The following TENM2 variants were observed in gnomAD, a reference collection of about 807,000 sequenced individuals.
The protein encoded by TENM2 is teneurin transmembrane protein 2.
In TENM2, 52 loss-of-function variants were observed where a neutral mutation model predicts 245.2. The ratio of observed to expected loss-of-function variants is 0.21; its 90% CI spans 0.17 to 0.27. TENM2 has a LOEUF of 0.27. TENM2 is among the 10% of genes least tolerant of loss of function. The probability of loss-of-function intolerance (pLI) is 1.00; values close to 1 mark genes in which losing one functional copy is unlikely to be tolerated. For synonymous variants in TENM2, 1,363 were observed against 1,438.9 expected (o/e 0.95, Z 1.19); for missense variants, 3,046 against 3,666.8 (o/e 0.83, Z 4.37).
intron 2 of TENM2, among the ~76,000 whole-genome samples, chr5:167,844,868 C>T (rs1184661528): frequency 4.1e-5 from 6 of 147,028 alleles, no homozygotes; most frequent in South Asian, 2.1e-4. Flanking sequence ...AAAAATCCTT[C>T]GTAGACTTTT....
the TENM2 span, among the ~76,000 whole-genome samples, chr5:167,127,872 G>A: frequency 6.6e-6 from 1 of 151,970 alleles, no homozygotes; most frequent in Non-Finnish European, 1.5e-5. Flanking sequence ...GCTGTCCAGG[G>A]GATCCTTCTA....
chr5:167,865,367 G>A (rs1223860827), intron 2 of TENM2, among the ~76,000 whole-genome samples: 2 of 152,052 alleles, frequency 1.3e-5, no homozygotes, highest in African/African-American at 4.8e-5. Context: ...TCGACCTCCT[G>A]GGCTCAAGCA....
chr5:167,466,223 T>C (rs1020958942), intron 2 of TENM2, among the ~76,000 whole-genome samples: 16 of 152,204 alleles, frequency 1.1e-4, no homozygotes, highest in African/African-American at 3.6e-4. Flanking sequence ...TGTCCAGAGA[T>C]AGCTGAATTC....
the TENM2 span, among the ~76,000 whole-genome samples, chr5:167,077,955 G>A: frequency 6.6e-6 from 1 of 151,806 alleles, no homozygotes; most frequent in Non-Finnish European, 1.5e-5. Context: ...AGGAGTTTGG[G>A]CAAAATCAAG....
intron 25 of TENM2, among the ~76,000 whole-genome samples, chr5:168,238,310 A>G (rs1765796226): frequency 6.6e-6 from 1 of 152,148 alleles, no homozygotes; most frequent in Admixed American, 6.6e-5. Context: ...AAAAAATCCC[A>G]GAAGACTGAC....
At chr5:167,539,407 C>CT (rs35385564) in intron 2 of TENM2, among the ~76,000 whole-genome samples, 5 of 151,910 alleles carry the variant, frequency 3.3e-5, no homozygotes, top group African/African-American at 4.8e-5. Context: ...ATTCAAATGT[C>CT]TTTTTTTTAA....
intron 6 of TENM2, among the ~76,000 whole-genome samples, chr5:168,054,812 T>C (rs561058239): frequency 5.3e-5 from 8 of 152,362 alleles, no homozygotes; most frequent in Non-Finnish European, 1.0e-4. Context: ...CGTGGAGTTA[T>C]AGAGTTGGAC....
At chr5:167,356,187 C>CAAAAAA (rs58804392) in intron 1 of TENM2, among the ~76,000 whole-genome samples, 9 of 74,014 alleles carry the variant, frequency 1.2e-4, no homozygotes, top group East Asian at 3.8e-4. Context: ...GACTCCATCT[C>CAAAAAA]AAAAAAAAAA....
chr5:168,051,182 A>G (rs1484782084), intron 6 of TENM2, among the ~76,000 whole-genome samples: 1 of 152,208 alleles, frequency 6.6e-6, no homozygotes, highest in African/African-American at 2.4e-5. Flanking sequence ...TTTAAGAAAG[A>G]ATAAACTATC....
At chr5:167,795,269 G>T (rs1183111349) in intron 2 of TENM2, among the ~76,000 whole-genome samples, 1 of 152,176 alleles carries the variant, frequency 6.6e-6, no homozygotes, top group Non-Finnish European at 1.5e-5. Context: ...GTCAAAATGT[G>T]CAGGAAACAC....
chr5:167,727,203 G>A (rs1159266473), intron 2 of TENM2, among the ~76,000 whole-genome samples: 8 of 140,724 alleles, frequency 5.7e-5, no homozygotes, highest in South Asian at 2.3e-4. Context: ...TCCATCTCCC[G>A]GGTTCATGCC....
At chr5:167,014,826 A>G in the TENM2 span, among the ~76,000 whole-genome samples, 1 of 152,218 alleles carries the variant, frequency 6.6e-6, no homozygotes, top group Non-Finnish European at 1.5e-5. Flanking sequence ...TATCAATCCC[A>G]GAAGTGACAT....
At chr5:167,970,958 A>T (rs10866618) in intron 4 of TENM2, among the ~76,000 whole-genome samples, 1 of 151,780 alleles carries the variant, frequency 6.6e-6, no homozygotes, top group Non-Finnish European at 1.5e-5. Flanking sequence ...TATTCAGTAT[A>T]TGTCTGCGTA....
chr5:167,060,351 A>G, the TENM2 span, among the ~76,000 whole-genome samples: 1 of 151,260 alleles, frequency 6.6e-6, no homozygotes. Context: ...AATTTAGACC[A>G]CATTAAAAAG....
intron 2 of TENM2, among the ~76,000 whole-genome samples, chr5:167,592,471 C>A (rs537504990): frequency 6.6e-6 from 1 of 152,306 alleles, no homozygotes; most frequent in Middle Eastern, 3.4e-3. Context: ...CTTAAGAGAA[C>A]AAGGCAGCCC....
intron 5 of TENM2, among the ~76,000 whole-genome samples, chr5:167,999,208 C>G (rs1048225143): frequency 7.9e-5 from 12 of 152,120 alleles, no homozygotes; most frequent in Non-Finnish European, 1.3e-4. Flanking sequence ...AAGTTGTGTA[C>G]TTACCTCCCA....
At chr5:167,946,679 C>T (rs1166691337) in intron 3 of TENM2, among the ~76,000 whole-genome samples, 1 of 152,126 alleles carries the variant, frequency 6.6e-6, no homozygotes, top group Non-Finnish European at 1.5e-5. Context: ...TTGCATACAG[C>T]TGGGAGGGGA....
chr5:167,568,440 A>G (rs1433148747), intron 2 of TENM2, among the ~76,000 whole-genome samples: 1 of 152,110 alleles, frequency 6.6e-6, no homozygotes, highest in African/African-American at 2.4e-5. Flanking sequence ...AACACTCACC[A>G]TGTGTTAGGC....
chr5:168,051,455 T>A (rs1046158043), intron 6 of TENM2, among the ~76,000 whole-genome samples: 1 of 151,806 alleles, frequency 6.6e-6, no homozygotes, highest in African/African-American at 2.4e-5. Context: ...TCTGACCCTT[T>A]AAAAAAAATA....
Sources: gnomAD v4.1 joint callset for allele counts (sites outside exome capture counted in the v4.1 genomes callset) on GRCh38, gnomAD v4.1.1 for gene constraint, MANE v1.5 for transcripts, NCBI Gene and HGNC (gene_info 2026-07-23, HGNC 2026-07-21) for gene names.